The following ZNF621 variants were observed in gnomAD, a reference collection of about 807,000 sequenced individuals.
The protein encoded by ZNF621 is zinc finger protein 621.
A neutral mutation model predicts 12.7 loss-of-function variants in ZNF621; 6 were observed. The ratio of observed to expected loss-of-function variants is 0.47; its 90% CI spans 0.26 to 0.93. ZNF621 has a LOEUF of 0.93. Among genes scored for constraint, ZNF621 ranks in the 40% least tolerant of loss-of-function variants. The pLI is 0.15. For missense variants in ZNF621, 474 were observed against 524.0 expected (o/e 0.90, Z 0.93); for synonymous variants, 156 against 190.3 (o/e 0.82, Z 1.48).
At chr3:40,524,778 A>G (rs1443883644), upstream of ZNF621, 1 of 152,206 alleles carries the variant, frequency 6.6e-6, no homozygotes, top group African/African-American at 2.4e-5. Context: ...GCTGCCGGAG[A>G]AAGCCGGGCT....
chr3:40,530,243 C>T lies in ZNF621; in HGVS notation c.186C>T (p.Ser62=). 1 of 1,613,714 alleles carries T rather than the reference C, an allele frequency of 6.2e-7. No individual in the cohort carries two copies. The highest frequency in any genetic ancestry group is 2.2e-5 in the East Asian group (1 of 44,870). Residue 62 remains serine, a synonymous_variant, in exon 4 of 5, where the codon TCC becomes TCT. Transcript: ENST00000339296. Reference sequence around the variant, plus strand: ...CATTCCCCAAACCTGCTCTGATCTCCCACCTGGAGAGAGGGGAAGCACCAT... The same window carrying T: ...CATTCCCCAAACCTGCTCTGATCTCTCACCTGGAGAGAGGGGAAGCACCAT... The part of the protein sequence containing the change: ...AFPFPKPALI[S]HLERGEAPWG...
chr3:40,525,721 G>A (rs971229822), intron 1 of ZNF621, 58 bp from the exon 2 acceptor site: 1 of 1,370,392 alleles, frequency 7.3e-7, no homozygotes, highest in African/African-American at 1.4e-5. Context: ...GAGGGCCATA[G>A]GTTGCTGTAG....
chr3:40,527,654 C>T (rs1270982550), intron 2 of ZNF621, among the ~76,000 whole-genome samples: 4 of 152,104 alleles, frequency 2.6e-5, no homozygotes, highest in Admixed American at 2.0e-4. Flanking sequence ...CCATATATTC[C>T]CTGCCCCTAC....
In ZNF621 at chr3:40,537,790, T is replaced by C. The variant is rs192029216; in HGVS notation, c.*4700T>C. On this transcript the variant is annotated 3_prime_UTR_variant, in exon 5 of 5. Coordinates refer to ENST00000339296, the MANE Select transcript of ZNF621 (RefSeq NM_198484.5). ...AGGTTGGTTCATGAGGTTTAAGAAG[T>C]CATCTTATCATAAAAGTGCAAGGTG... The C allele has an allele frequency of 2.6e-3, 433 of 163,754 alleles. 1 individual carries two copies. The highest frequency in any genetic ancestry group is 9.4e-3 in the South Asian group (55 of 5,842). 10.1% of individuals were successfully genotyped at this position (163,754 alleles called of 1,614,324 possible). A position where few individuals can be genotyped will look rare whatever the true frequency, so the allele number is the denominator to read the frequency against.
intron 2 of ZNF621, among the ~76,000 whole-genome samples, chr3:40,527,591 T>G (rs1276822797): frequency 2.0e-5 from 3 of 152,236 alleles, no homozygotes; most frequent in Admixed American, 6.5e-5. Flanking sequence ...GTTTTTATTT[T>G]CTGGAGCAGT....
At chr3:40,524,574 C>CT (rs1385094576), upstream of ZNF621, among the ~76,000 whole-genome samples, 1 of 152,216 alleles carries the variant, frequency 6.6e-6, no homozygotes, top group Non-Finnish European at 1.5e-5. Context: ...GCTTGGGCCT[C>CT]TTAGAGATGA....
chr3:40,524,702 G>A (rs1698532657), upstream of ZNF621, among the ~76,000 whole-genome samples: 1 of 152,224 alleles, frequency 6.6e-6, no homozygotes, highest in Non-Finnish European at 1.5e-5. Context: ...TGTGCCTAGA[G>A]GGCGAGGTCT....
rs1326900006 is a variant in ZNF621 at position 40,533,381 on chromosome 3, T to G, written c.*291T>G. On this transcript the variant is annotated 3_prime_UTR_variant, in exon 5 of 5. Transcript: ENST00000339296. ...GTCTCAAACACCTGACCTCAAGTGATCCGCCTGCCTTGGCCCCCCAAAGTG... is the reference window on the plus strand; with the variant it reads ...GTCTCAAACACCTGACCTCAAGTGAGCCGCCTGCCTTGGCCCCCCAAAGTG... 1 of 351,170 alleles carries G rather than the reference T, an allele frequency of 2.8e-6. No individual in the cohort carries two copies. The highest frequency in any genetic ancestry group is 5.1e-6 in the Non-Finnish European group (1 of 196,666). The allele number at this position is 351,170 out of a possible 1,614,324, so 21.8% of individuals were successfully genotyped here.
rs1435522207 is a variant in ZNF621, at chr3:40,538,363, A to G, written c.*5273A>G. 1 of 238,710 alleles carries G rather than the reference A, an allele frequency of 4.2e-6. No homozygotes were observed. The highest frequency in any genetic ancestry group is 2.4e-5 in the African/African-American group (1 of 42,146). The allele number at this position is 238,710 out of a possible 1,614,324, so 14.8% of individuals were successfully genotyped here. ...CCCTATCTCTACTAAAAATACAAAA[A>G]TTAGCTGGATGTGGTGGTGTGTGCC... On this transcript the variant is annotated 3_prime_UTR_variant, in exon 5 of 5. Transcript: ENST00000339296.
At position 40,533,195 on chromosome 3, in the gene ZNF621, C is replaced by T. The variant is rs879263155; in HGVS notation, c.*105C>T. 105 of 1,456,946 alleles carry T rather than the reference C, an allele frequency of 7.2e-5. No homozygotes were observed. The highest frequency in any genetic ancestry group is 1.8e-4 in the Admixed American group (7 of 38,612). The allele number at this position is 1,456,946 out of a possible 1,614,324, so 90.3% of individuals were successfully genotyped here. ...TTGCTCTGTCACCCAGGCTAGAGTG[C>T]GGTGGTGTGATCTTGGCTCACTGCA... On this transcript the variant is annotated 3_prime_UTR_variant, in exon 5 of 5. Coordinates refer to ENST00000339296, the MANE Select transcript of ZNF621 (RefSeq NM_198484.5).
chr3:40,532,624 A>T lies in ZNF621; in HGVS notation c.854A>T (p.His285Leu). Reference protein sequence around the residue: ...RSLFIVHQRIHTGEKPYQCKE... With the variant: ...RSLFIVHQRILTGEKPYQCKE... The stretch of plus-strand genomic sequence containing the variant: ...CTTTTTATTGTCCATCAGAGAATTC[A>T]TACTGGGGAGAAACCTTATCAATGT... Residue 285 changes from histidine (H) to leucine (L), a missense_variant, in exon 5 of 5, where the codon CAT becomes CTT. Physicochemically the swap from His to Leu is moderately conservative, Grantham distance 99. Transcript: ENST00000339296. The T allele has an allele frequency of 6.2e-7, 1 of 1,614,200 alleles. No individual in the cohort carries two copies. Among genetic ancestry groups the T allele is most frequent in the Non-Finnish European group, 8.5e-7 (1 of 1,180,034 alleles).
Position 40,525,036 on chromosome 3 carries a change from C to T in ZNF621, c.-301C>T, listed in dbSNP as rs1698542622. On this transcript the variant is annotated 5_prime_UTR_variant, in exon 1 of 5. Transcript: ENST00000339296. ...GTGGGTTTCAGCGAGTTCTACGTGC[C>T]AGGTCCGCCCGGTGCCGGCTTCCTC... The T allele has an allele frequency of 6.6e-6, 1 of 152,422 alleles. No homozygotes were observed. The highest frequency in any genetic ancestry group is 2.4e-5 in the African/African-American group (1 of 41,470). 9.4% of individuals were successfully genotyped at this position (152,422 alleles called of 1,614,324 possible).
chr3:40,527,546 G>A (rs932691064), intron 2 of ZNF621, among the ~76,000 whole-genome samples: 1 of 152,136 alleles, frequency 6.6e-6, no homozygotes, highest in Non-Finnish European at 1.5e-5. Context: ...TGGCCAGGCT[G>A]CATTTTACTT....
intron 2 of ZNF621, 117 bp downstream of exon 2, chr3:40,525,981 C>G (rs942873579): frequency 8.6e-7 from 1 of 1,158,742 alleles, no homozygotes; most frequent in Non-Finnish European, 1.2e-6. Flanking sequence ...CTGTGTTTTC[C>G]CCTTTGTATC....
At position 40,536,830 on chromosome 3, in the gene ZNF621, C is replaced by T. The variant is rs2125680779; in HGVS notation, c.*3740C>T. On this transcript the variant is annotated 3_prime_UTR_variant, in exon 5 of 5. Transcript: ENST00000339296. ...CCATTTTTTTTCAACAGCATGTGCTCATTTCATTTTTCTGTGTCTTACACA... is the reference window on the plus strand; with the variant it reads ...CCATTTTTTTTCAACAGCATGTGCTTATTTCATTTTTCTGTGTCTTACACA... 1 of 152,248 alleles carries T rather than the reference C, an allele frequency of 6.6e-6. No individual in the cohort carries two copies. The highest frequency in any genetic ancestry group is 1.9e-4 in the East Asian group (1 of 5,190). 9.4% of individuals were successfully genotyped at this position (152,248 alleles called of 1,614,324 possible).
At chr3:40,523,761 G>A (rs969117520), upstream of ZNF621, among the ~76,000 whole-genome samples, 4 of 141,704 alleles carry the variant, frequency 2.8e-5, no homozygotes, top group Non-Finnish European at 6.1e-5. Flanking sequence ...GCGAGACTCC[G>A]TCTCAAAAAA....
chr3:40,530,230 C>T lies in ZNF621; in HGVS notation c.173C>T (p.Pro58Leu). 1 of 1,613,602 alleles carries T rather than the reference C, an allele frequency of 6.2e-7. No individual in the cohort carries two copies. The highest frequency in any genetic ancestry group is 8.5e-7 in the Non-Finnish European group (1 of 1,179,780). The change falls in exon 4 of 5, where the codon CCT becomes CTT. Residue 58 changes from proline (P) to leucine (L), a missense_variant. Pro to Leu is a moderately conservative substitution (Grantham distance 98). Coordinates refer to ENST00000339296, the MANE Select transcript of ZNF621 (RefSeq NM_198484.5). Reference sequence around the variant, plus strand: ...GAAGTAGCGTTTCCATTCCCCAAACCTGCTCTGATCTCCCACCTGGAGAGA... The same window carrying T: ...GAAGTAGCGTTTCCATTCCCCAAACTTGCTCTGATCTCCCACCTGGAGAGA... ...ASLVAFPFPK[P>L]ALISHLERGE... is the part of the protein sequence containing the mutation.
intron 2 of ZNF621, 42 bp downstream of exon 2, chr3:40,525,906 G>GT (rs767844791): frequency 6.8e-6 from 11 of 1,609,024 alleles, no homozygotes; most frequent in South Asian, 3.3e-5. Context: ...GTTTGTTTAT[G>GT]TTTTTTTACT....
intron 4 of ZNF621, 71 bp downstream of exon 4, chr3:40,530,387 T>A: frequency 8.1e-7 from 1 of 1,233,452 alleles, no homozygotes; most frequent in Non-Finnish European, 1.2e-6. Context: ...AAGTGTTTCT[T>A]ATGCTGCAGG....
Sources: allele counts gnomAD v4.1 joint callset (sites outside exome capture counted in the v4.1 genomes callset), GRCh38; gene constraint gnomAD v4.1.1; transcripts MANE v1.5; gene names NCBI Gene and HGNC (gene_info 2026-07-23, HGNC 2026-07-21).